MEGF11: variants seen among roughly 807,000 people sequenced by gnomAD.
MEGF11 encodes multiple EGF like domains 11.
In MEGF11, 126 loss-of-function variants were observed where a neutral mutation model predicts 146.6. The observed-to-expected ratio is 0.86, with a 90% CI of 0.74 to 1.00. The LOEUF (loss-of-function observed/expected upper bound fraction) is 1.00, where lower values mean the gene tolerates loss of function less well. Ranked by LOEUF, MEGF11 falls within the 50% of genes least tolerant of loss-of-function variation. The probability of loss-of-function intolerance (pLI) is 0.00; values close to 1 mark genes in which losing one functional copy is unlikely to be tolerated. For synonymous variants in MEGF11, 532 were observed against 583.4 expected, an observed-to-expected ratio of 0.91 and a Z score of 1.27; for missense variants, 1,509 against 1,521.2, an observed-to-expected ratio of 0.99 and a Z score of 0.13.
chr15:66,216,050 G>A (rs1355615541), intron 1 of MEGF11, among the ~76,000 whole-genome samples: 1 of 152,164 alleles, frequency 6.6e-6, no homozygotes, highest in African/African-American at 2.4e-5. Flanking sequence ...ATTAGACAGA[G>A]TTCATAGCAG....
At chr15:66,011,419 C>T (rs930254662) in intron 5 of MEGF11, among the ~76,000 whole-genome samples, 36 of 152,222 alleles carry the variant, frequency 2.4e-4, no homozygotes, top group African/African-American at 8.7e-4. Context: ...GACACTGGGA[C>T]AAGAAAAAGC....
chr15:65,928,431 A>G lies in MEGF11; in HGVS notation c.1669T>C (p.Trp557Arg), dbSNP rs767182398. 3 of 1,590,658 alleles carry G rather than the reference A, an allele frequency of 1.9e-6. No homozygotes were observed. In the African/African-American group the frequency reaches 4.0e-5, roughly 21 times the overall value. The stretch of plus-strand genomic sequence containing the variant: ...CACAGCAAGGGAAGGTTACCTGTCC[A>G]TCCGGCCAGGCAGCAGCAGTGGCCT... ...VTGHCCCLAGWTGIRCDSTCP... is the reference protein window; with the variant it reads ...VTGHCCCLAGRTGIRCDSTCP... The change falls in exon 13 of 26, where the codon TGG becomes CGG. Residue 557 changes from tryptophan to arginine, a missense_variant. Transcript: ENST00000395614.
At chr15:66,079,775 A>G (rs981093475) in intron 5 of MEGF11, among the ~76,000 whole-genome samples, 1 of 152,190 alleles carries the variant, frequency 6.6e-6, no homozygotes, top group Non-Finnish European at 1.5e-5. Context: ...GCAGCATCAC[A>G]GGAACATGAG....
chr15:66,240,445 C>T (rs574448494), intron 1 of MEGF11, among the ~76,000 whole-genome samples: 1 of 152,198 alleles, frequency 6.6e-6, no homozygotes, highest in East Asian at 1.9e-4. Flanking sequence ...GCCTGTCACG[C>T]GTCTGAGGTG....
At position 66,198,652 on chromosome 15, in the gene MEGF11, A is replaced by T. The variant is rs559549099; in HGVS notation, c.-9+54953T>A. ...AGGCATGCACCACCACACCTGGCTA[A>T]TTTTTTTGTTTTTGATAGAGACGGG... On this transcript the variant is annotated intron_variant, in intron 1 of 25. Coordinates refer to ENST00000395614, the MANE Select transcript of MEGF11 (RefSeq NM_001385028.1). 7.4e-4 allele frequency among the ~76,000 whole-genome samples: 112 copies of T among 151,800 alleles called. 1 individual carries two copies. Among genetic ancestry groups the T allele is most frequent in the African/African-American group, 2.6e-3 (108 of 41,378 alleles).
chr15:65,917,985 A>G lies in MEGF11; in HGVS notation c.2067T>C (p.Ile689=), dbSNP rs139903899. 16 of 1,613,926 alleles carry G rather than the reference A, an allele frequency of 9.9e-6. No homozygotes were observed. The highest frequency in any genetic ancestry group is 1.3e-5 in the Non-Finnish European group (15 of 1,179,898). Residue 689 remains isoleucine (I), a synonymous_variant, in exon 16 of 26, where the codon ATT becomes ATC. Transcript: ENST00000395614. ...DGSCQCFPGW[I]GKDCSQACPP... ...GCTTACCCTGTGAGCAGTCCTTGCC[A>G]ATCCATCCAGGAAAGCACTGGCAGG...
chr15:65,957,223 G>T (rs1338256041), intron 10 of MEGF11, among the ~76,000 whole-genome samples: 3 of 152,230 alleles, frequency 2.0e-5, no homozygotes. Flanking sequence ...AAAGCAGAAT[G>T]CAAAACTGTC....
chr15:65,959,749 G>A (rs1239501452), intron 9 of MEGF11, among the ~76,000 whole-genome samples: 1 of 152,122 alleles, frequency 6.6e-6, no homozygotes, highest in African/African-American at 2.4e-5. Flanking sequence ...GAGGCACCAG[G>A]CACGTTATAT....
At chr15:65,984,926 G>A (rs903058541) in intron 5 of MEGF11, among the ~76,000 whole-genome samples, 6 of 151,914 alleles carry the variant, frequency 3.9e-5, no homozygotes, top group African/African-American at 9.7e-5. Context: ...CTGCCACCAC[G>A]CCTGGCTAAT....
intron 5 of MEGF11, among the ~76,000 whole-genome samples, chr15:66,055,656 A>G (rs2140375539): frequency 6.6e-6 from 1 of 152,364 alleles, no homozygotes; most frequent in African/African-American, 2.4e-5. Context: ...GTTTTCACGT[A>G]AAGATCTTGC....
At chr15:65,904,293 T>A (rs544418158) in intron 24 of MEGF11, among the ~76,000 whole-genome samples, 3 of 152,340 alleles carry the variant, frequency 2.0e-5, no homozygotes, top group Admixed American at 2.0e-4. Flanking sequence ...TGCCAGGTCA[T>A]AGTCACGAAA....
intron 2 of MEGF11, among the ~76,000 whole-genome samples, chr15:66,125,411 C>T (rs968964460): frequency 3.3e-5 from 5 of 152,210 alleles, no homozygotes; most frequent in African/African-American, 1.2e-4. Flanking sequence ...CTCCTGAATG[C>T]CTCACTTAGA....
intron 1 of MEGF11, among the ~76,000 whole-genome samples, chr15:66,245,184 C>G (rs1024757024): frequency 2.6e-5 from 4 of 152,012 alleles, no homozygotes; most frequent in Non-Finnish European, 5.9e-5. Context: ...GCTGAGTCAG[C>G]CATAATGGTG....
At chr15:66,197,445 A>G (rs1169589287) in intron 1 of MEGF11, among the ~76,000 whole-genome samples, 2 of 151,636 alleles carry the variant, frequency 1.3e-5, no homozygotes, top group East Asian at 3.9e-4. Context: ...TTTTTTTGAG[A>G]CGAGTCTCGC....
At position 66,176,581 on chromosome 15, in the gene MEGF11, G is replaced by A. The variant is rs184703310; in HGVS notation, c.-8-48170C>T. Among the ~76,000 whole-genome samples the A allele has an allele frequency of 6.6e-5, 10 of 152,282 alleles. No homozygotes were observed. In the East Asian group the frequency reaches 1.7e-3, roughly 26 times the overall value. On this transcript the variant is annotated intron_variant, in intron 1 of 25. Coordinates refer to ENST00000395614, the MANE Select transcript of MEGF11 (RefSeq NM_001385028.1). ...TCTCAAGAACTCAATGGGCACACAC[G>A]GCTAGTGGCTACTGCAATGGCCAGT...
chr15:66,126,435 G>A (rs567232482), intron 2 of MEGF11, among the ~76,000 whole-genome samples: 3 of 152,318 alleles, frequency 2.0e-5, no homozygotes, highest in Admixed American at 2.0e-4. Flanking sequence ...GATAGCCTAA[G>A]AAGCCTGAAA....
chr15:65,971,405 A>C (rs77077721), intron 7 of MEGF11: 1 of 152,650 alleles, frequency 6.6e-6, no homozygotes, highest in East Asian at 1.9e-4. Context: ...TTGAAAGTTT[A>C]TAAAATAGGG....
intron 5 of MEGF11, among the ~76,000 whole-genome samples, chr15:66,012,585 C>T (rs182864741): frequency 7.9e-5 from 12 of 152,362 alleles, no homozygotes; most frequent in Admixed American, 7.2e-4. Context: ...CCAACGGCCA[C>T]GACTGAATTA....
chr15:66,225,186 G>C (rs185307249), intron 1 of MEGF11, among the ~76,000 whole-genome samples: 1 of 152,184 alleles, frequency 6.6e-6, no homozygotes, highest in Non-Finnish European at 1.5e-5. Context: ...ACTTGGTCAC[G>C]GCCCAGCACC....
Sources: gnomAD v4.1 joint callset for allele counts (sites outside exome capture counted in the v4.1 genomes callset) on GRCh38, gnomAD v4.1.1 for gene constraint, MANE v1.5 for transcripts, NCBI Gene and HGNC (gene_info 2026-07-23, HGNC 2026-07-21) for gene names.